The following GABRB2 variants were observed in gnomAD, a reference collection of about 807,000 sequenced individuals.
The protein encoded by GABRB2 is gamma-aminobutyric acid type A receptor subunit beta2, also known as gamma-aminobutyric acid receptor subunit beta-2.
In GABRB2, 16 loss-of-function variants were observed where a neutral mutation model predicts 54.7. The ratio of observed to expected loss-of-function variants is 0.29; its 90% CI spans 0.20 to 0.44. The LOEUF (loss-of-function observed/expected upper bound fraction) is 0.44. Among genes scored for constraint, GABRB2 ranks in the 20% least tolerant of loss-of-function variants. The pLI is 1.00. For synonymous variants in GABRB2, 244 were observed against 233.8 expected (o/e 1.04, Z -0.40); for missense variants, 355 against 644.0 (o/e 0.55, Z 4.86).
At chr5:161,411,932 A>C (rs1484173238) in intron 4 of GABRB2, among the ~76,000 whole-genome samples, 1 of 152,114 alleles carries the variant, frequency 6.6e-6, no homozygotes, top group African/African-American at 2.4e-5. Context: ...TCCATTTTTT[A>C]GTAAAAACTC....
intron 3 of GABRB2, among the ~76,000 whole-genome samples, chr5:161,475,873 T>C (rs1466583288): frequency 6.6e-6 from 1 of 151,968 alleles, no homozygotes; most frequent in East Asian, 1.9e-4. Context: ...CTGAAAGCTT[T>C]TCTTCTGAGA....
At chr5:161,389,937 A>T (rs1231966204) in intron 5 of GABRB2, among the ~76,000 whole-genome samples, 1 of 151,984 alleles carries the variant, frequency 6.6e-6, no homozygotes, top group Non-Finnish European at 1.5e-5. Context: ...AATTTCCTAA[A>T]TTATAAAATA....
chr5:161,296,776 C>G (rs1355677448), intron 9 of GABRB2, among the ~76,000 whole-genome samples: 2 of 152,198 alleles, frequency 1.3e-5, no homozygotes, highest in African/African-American at 4.8e-5. Flanking sequence ...ATAACAATCT[C>G]CAAAATAATA....
At chr5:161,465,931 A>G (rs949721261) in intron 3 of GABRB2, among the ~76,000 whole-genome samples, 1 of 152,056 alleles carries the variant, frequency 6.6e-6, no homozygotes, top group Non-Finnish European at 1.5e-5. Flanking sequence ...TTAACTACAG[A>G]CCTTATTACA....
intron 3 of GABRB2, among the ~76,000 whole-genome samples, chr5:161,500,216 C>T (rs1759389509): frequency 6.6e-6 from 1 of 152,086 alleles, no homozygotes. Context: ...ACTGTGTGTC[C>T]TTAATTAAGT....
chr5:161,320,710 C>G (rs567246377), intron 9 of GABRB2, among the ~76,000 whole-genome samples: 3 of 151,800 alleles, frequency 2.0e-5, no homozygotes, highest in Non-Finnish European at 3.0e-5. Context: ...AGAAATATCT[C>G]TATTATAAAG....
At chr5:161,514,579 G>A (rs1301558894) in intron 3 of GABRB2, among the ~76,000 whole-genome samples, 1 of 141,476 alleles carries the variant, frequency 7.1e-6, no homozygotes, top group African/African-American at 2.9e-5. Flanking sequence ...GTATATATAC[G>A]TGTGTGTGTG....
chr5:161,476,557 G>C lies in GABRB2; in HGVS notation c.238-16713C>G, dbSNP rs141992497. ...CTTCAAAACTTATTACTAAGCTATA[G>C]TAATCAAAACAGTGTGGTAGGGGCA... On this transcript the variant is annotated intron_variant, in intron 3 of 9. Transcript: ENST00000393959. Among the ~76,000 whole-genome samples the C allele has an allele frequency of 7.2e-4, 109 of 151,952 alleles. No individual in the cohort carries two copies. In the East Asian group the frequency reaches 0.015, roughly 21 times the overall value.
chr5:161,396,663 A>G (rs565423779), intron 5 of GABRB2, among the ~76,000 whole-genome samples: 1 of 152,296 alleles, frequency 6.6e-6, no homozygotes, highest in South Asian at 2.1e-4. Flanking sequence ...AGAGAGTATC[A>G]CCAGCATAGT....
intron 4 of GABRB2, among the ~76,000 whole-genome samples, chr5:161,450,920 G>A (rs1339519442): frequency 6.6e-6 from 1 of 151,962 alleles, no homozygotes; most frequent in Non-Finnish European, 1.5e-5. Flanking sequence ...TAGAGAATAG[G>A]TTCTCACATT....
At chr5:161,485,258 T>A (rs940854301) in intron 3 of GABRB2, among the ~76,000 whole-genome samples, 1 of 152,002 alleles carries the variant, frequency 6.6e-6, no homozygotes, top group Non-Finnish European at 1.5e-5. Flanking sequence ...GAACAGTGTT[T>A]ATAATAAGCC....
upstream of GABRB2, among the ~76,000 whole-genome samples, chr5:161,547,547 G>A (rs920819059): frequency 1.3e-5 from 2 of 151,678 alleles, no homozygotes; most frequent in African/African-American, 4.8e-5. Context: ...TTCCTGACCC[G>A]CTAGTCCGGG....
chr5:161,410,869 A>G (rs1176291264), intron 5 of GABRB2, 106 bp downstream of exon 5: 2 of 780,334 alleles, frequency 2.6e-6, no homozygotes, highest in Non-Finnish European at 4.2e-6. Context: ...TTGGGCTAGC[A>G]GAACCTTTGC....
intron 5 of GABRB2, among the ~76,000 whole-genome samples, chr5:161,357,900 G>A (rs1282680817): frequency 6.6e-6 from 1 of 152,114 alleles, no homozygotes; most frequent in Admixed American, 6.6e-5. Context: ...AAAGGACACA[G>A]GAGTAAAGTT....
intron 4 of GABRB2, among the ~76,000 whole-genome samples, chr5:161,454,751 A>G (rs1580999687): frequency 6.6e-6 from 1 of 152,166 alleles, no homozygotes; most frequent in Non-Finnish European, 1.5e-5. Context: ...CCCTCTTCCT[A>G]TGAATGAGGA....
intron 5 of GABRB2, among the ~76,000 whole-genome samples, chr5:161,342,485 C>A (rs1257409332): frequency 6.6e-6 from 1 of 152,092 alleles, no homozygotes; most frequent in Admixed American, 6.6e-5. Context: ...CACATTTTGG[C>A]TCTCTATTAT....
intron 9 of GABRB2, among the ~76,000 whole-genome samples, chr5:161,310,051 C>T (rs993144143): frequency 6.6e-6 from 1 of 152,146 alleles, no homozygotes; most frequent in African/African-American, 2.4e-5. Flanking sequence ...CCTTAGCAAA[C>T]TAATGCAAGA....
At chr5:161,336,008 T>G (rs867005249) in intron 6 of GABRB2, among the ~76,000 whole-genome samples, 2 of 152,134 alleles carry the variant, frequency 1.3e-5, no homozygotes, top group South Asian at 4.1e-4. Flanking sequence ...TAGCAAATGA[T>G]TGCTTTCCTC....
chr5:161,485,398 G>T (rs1434122549), intron 3 of GABRB2, among the ~76,000 whole-genome samples: 2 of 151,910 alleles, frequency 1.3e-5, no homozygotes, highest in South Asian at 2.1e-4. Flanking sequence ...TAATAAGGTT[G>T]GTTGGGAACT....
Sources: allele counts gnomAD v4.1 joint callset (sites outside exome capture counted in the v4.1 genomes callset), GRCh38; gene constraint gnomAD v4.1.1; transcripts MANE v1.5; gene names NCBI Gene and HGNC (gene_info 2026-07-23, HGNC 2026-07-21).